B4GALNT3: variants seen among roughly 807,000 people sequenced by gnomAD.
B4GALNT3 encodes beta-1,4-N-acetylgalactosaminyltransferase 3.
Under a neutral mutation model 120.2 loss-of-function variants are expected in B4GALNT3, and 86 were observed. The observed-to-expected ratio is 0.72, with a 90% CI of 0.60 to 0.86. The LOEUF (loss-of-function observed/expected upper bound fraction) is 0.86, where lower values mean the gene tolerates loss of function less well. B4GALNT3 is among the 40% of genes least tolerant of loss of function. The pLI is 0.00. For synonymous variants in B4GALNT3, 518 were observed against 510.4 expected, an observed-to-expected ratio of 1.01 and a Z score of -0.20; for missense variants, 1,167 against 1,298.9, an observed-to-expected ratio of 0.90 and a Z score of 1.56.
intron 13 of B4GALNT3, 177 bp from the exon 14 acceptor site, chr12:553,017 G>A: frequency 1.2e-6 from 1 of 800,718 alleles, no homozygotes; most frequent in South Asian, 1.7e-5. Context: ...GAAGAAACTG[G>A]GGTTAATTGA....
intron 1 of B4GALNT3, among the ~76,000 whole-genome samples, chr12:515,092 A>G (rs1362549247): frequency 1.3e-5 from 2 of 152,216 alleles, no homozygotes; most frequent in African/African-American, 4.8e-5. Flanking sequence ...CTTACTAGCC[A>G]TGTGGCAAGT....
intron 17 of B4GALNT3, 69 bp downstream of exon 17, chr12:558,157 G>A: frequency 1.3e-6 from 2 of 1,539,158 alleles, no homozygotes; most frequent in South Asian, 1.1e-5. Context: ...GACATTTGGG[G>A]TAAATGAGGT....
Position 548,675 on chromosome 12 carries a change from C to T in B4GALNT3, c.853+378C>T, listed in dbSNP as rs1368901864. 6.6e-6 allele frequency among the ~76,000 whole-genome samples: 1 copy of T among 152,198 alleles called. No individual in the cohort carries two copies. The highest frequency in any genetic ancestry group is 2.1e-4 in the South Asian group (1 of 4,822). ...CTGTAATCCCAGCACTTTGGGAGGC[C>T]GAGGTAGGAGGATTGCTTGAGCCCA... On this transcript the variant is annotated intron_variant, in intron 9 of 19. Transcript: ENST00000266383. This position sits in a 1 kb window ranked among gnomAD's most constrained non-coding sequence, Gnocchi z 4.9.
intron 7 of B4GALNT3, 124 bp downstream of exon 7, chr12:546,837 C>G (rs1200036058): frequency 1.1e-6 from 1 of 945,614 alleles, no homozygotes; most frequent in Non-Finnish European, 1.6e-6. Flanking sequence ...CCACACGCTC[C>G]CGGCAACCGG....
At chr12:463,123 T>G (rs1205144582) in intron 1 of B4GALNT3, among the ~76,000 whole-genome samples, 2 of 152,096 alleles carry the variant, frequency 1.3e-5, no homozygotes, top group African/African-American at 4.8e-5. Context: ...GCCAACTCAC[T>G]CCACCACCCA....
chr12:503,559 T>C (rs147860298), intron 1 of B4GALNT3, among the ~76,000 whole-genome samples: 3 of 152,356 alleles, frequency 2.0e-5, no homozygotes, highest in South Asian at 2.1e-4. Flanking sequence ...AGTGAATTAA[T>C]GTCTTTAAGG....
In B4GALNT3 at chr12:528,707, A is replaced by G. The variant is rs545512709; in HGVS notation, c.170-6459A>G. Among the ~76,000 whole-genome samples, 3 of 152,256 alleles carry G rather than the reference A, an allele frequency of 2.0e-5. No homozygotes were observed. The South Asian group carries it at 6.2e-4, about 32-fold the overall frequency. On this transcript the variant is annotated intron_variant, in intron 1 of 19. Coordinates refer to ENST00000266383, the MANE Select transcript of B4GALNT3 (RefSeq NM_173593.4). ...TCAGGCCCTGCTGGCTTCTAGCCTT[A>G]GCAGCTTTGTCCTGCTGAGGATGTG...
Position 460,489 on chromosome 12 carries a change from CTCTGTA to C in B4GALNT3, c.118_123del (p.Tyr40_Leu41del). On this transcript the variant is annotated inframe_deletion, in exon 1 of 20. Transcript: ENST00000266383. The surrounding 1 kb of genome is among the most constrained non-coding windows in gnomAD (Gnocchi z 8.0). ...GCCGTGGTGTCTGTGGGGCTCTGGA[CTCTGTA>C]TCTGGAACTGGTGGCGTCGGCCCAG... 1 of 1,586,038 alleles carries C rather than the reference CTCTGTA, an allele frequency of 6.3e-7. No homozygotes were observed. Among genetic ancestry groups the C allele is most frequent in the South Asian group, 1.1e-5 (1 of 87,320 alleles).
chr12:504,453 C>T (rs1946476053), intron 1 of B4GALNT3, among the ~76,000 whole-genome samples: 1 of 151,750 alleles, frequency 6.6e-6, no homozygotes, highest in African/African-American at 2.4e-5. Flanking sequence ...GCAGCCGCCC[C>T]CCCGCCCCCG....
chr12:468,403 T>C (rs1033639145), intron 1 of B4GALNT3, among the ~76,000 whole-genome samples: 14 of 152,194 alleles, frequency 9.2e-5, no homozygotes, highest in Non-Finnish European at 1.3e-4. Flanking sequence ...CATCCACAAA[T>C]AAATTATTAC....
chr12:552,320 CA>C (rs1947093171), intron 12 of B4GALNT3, 146 bp from the exon 13 acceptor site: 3 of 849,788 alleles, frequency 3.5e-6, no homozygotes, highest in Non-Finnish European at 5.8e-6. Context: ...CACACACACA[CA>C]CACACACACA....
chr12:534,265 C>T (rs543629059), intron 1 of B4GALNT3, among the ~76,000 whole-genome samples: 11 of 152,292 alleles, frequency 7.2e-5, no homozygotes, highest in African/African-American at 2.2e-4. Flanking sequence ...AAGCCTCTTT[C>T]GCTTCCAGTG....
chr12:502,655 T>C (rs1946456656), intron 1 of B4GALNT3, among the ~76,000 whole-genome samples: 1 of 152,220 alleles, frequency 6.6e-6, no homozygotes, highest in Non-Finnish European at 1.5e-5. Context: ...CAGTGAGTGG[T>C]GTTCTTAGCA....
At chr12:534,415 C>T (rs1461114834) in intron 1 of B4GALNT3, among the ~76,000 whole-genome samples, 1 of 152,180 alleles carries the variant, frequency 6.6e-6, no homozygotes, top group Admixed American at 6.5e-5. Context: ...CGGCCCTCAC[C>T]CTGGTGCAGC....
At chr12:524,658 A>T (rs1216690966) in intron 1 of B4GALNT3, among the ~76,000 whole-genome samples, 1 of 151,900 alleles carries the variant, frequency 6.6e-6, no homozygotes. Context: ...AAAAAAAGAA[A>T]AAAGAAAAGA....
At chr12:499,674 CG>C (rs1397248556) in intron 1 of B4GALNT3, among the ~76,000 whole-genome samples, 6 of 131,400 alleles carry the variant, frequency 4.6e-5, no homozygotes, top group Non-Finnish European at 7.9e-5. Context: ...TCTACTAGCC[CG>C]TGGAGCCCGT....
chr12:554,760 A>AGGCCG, intron 14 of B4GALNT3, among the ~76,000 whole-genome samples: 1 of 109,780 alleles, frequency 9.1e-6, no homozygotes, highest in African/African-American at 3.7e-5. Context: ...ACTGCACTCC[A>AGGCCG]GCCTGGGCGA....
chr12:554,065 G>A (rs1033204234), intron 14 of B4GALNT3, 82 bp downstream of exon 14: 15 of 938,720 alleles, frequency 1.6e-5, no homozygotes, highest in Non-Finnish European at 2.4e-5. Flanking sequence ...CTAAGGGCTG[G>A]TAGTGGGTTC....
At chr12:463,019 GC>G (rs1946037379) in intron 1 of B4GALNT3, among the ~76,000 whole-genome samples, 1 of 152,168 alleles carries the variant, frequency 6.6e-6, no homozygotes, top group Non-Finnish European at 1.5e-5. Context: ...CACCTCCCAG[GC>G]CTGTACCTCT....
Sources: gnomAD v4.1 joint callset for allele counts (sites outside exome capture counted in the v4.1 genomes callset) on GRCh38, gnomAD v4.1.1 for gene constraint, Gnocchi (gnomAD v3.1) non-coding constraint, MANE v1.5 for transcripts, NCBI Gene and HGNC (gene_info 2026-07-23, HGNC 2026-07-21) for gene names.